Variants in TBC1D19 observed in about 807,000 individuals in gnomAD.
The protein encoded by TBC1D19 is TBC1 domain family member 19.
TBC1D19 carries 60 observed loss-of-function variants against 89.0 expected under a neutral mutation model. That is an observed-to-expected ratio of 0.67 (90% CI 0.55 to 0.84). TBC1D19 has a LOEUF of 0.84. TBC1D19 is among the 40% of genes least tolerant of loss of function. TBC1D19 has a pLI of 0.00. For missense variants in TBC1D19, 500 were observed against 610.8 expected (o/e 0.82, Z 1.91); for synonymous variants, 189 against 199.7 (o/e 0.95, Z 0.45).
intron 5 of TBC1D19, among the ~76,000 whole-genome samples, chr4:26,637,893 C>G (rs989734562): frequency 4.6e-5 from 7 of 152,094 alleles, no homozygotes; most frequent in Non-Finnish European, 1.0e-4. Flanking sequence ...ATTTTAATTA[C>G]CTTTAGTCTC....
chr4:26,659,615 A>C lies in TBC1D19; in HGVS notation c.499A>C (p.Asn167His). 6.3e-7 allele frequency: 1 copy of C among 1,588,458 alleles called. No homozygotes were observed. The highest frequency in any genetic ancestry group is 8.6e-7 in the Non-Finnish European group (1 of 1,162,072). Residue 167 changes from asparagine (N) to histidine (H), a missense_variant, in exon 8 of 21, where the codon AAC becomes CAC. This residue lies in a region of TBC1D19 where 280 missense variants were observed against 291.7 expected (regional missense o/e 0.96). Coordinates refer to ENST00000264866, the MANE Select transcript of TBC1D19 (RefSeq NM_018317.4). ...TTTAAAGGTATTAATTAATCTTCGC[A>C]ACCCAAATTATGAAAACGGTGATTC... ...DFLEVLINLR[N>H]PNYENGDSLS... is the part of the protein sequence containing the mutation.
At chr4:26,590,796 GTTTTTTTTTTTTTTTT>G (rs869124166) in intron 1 of TBC1D19, among the ~76,000 whole-genome samples, 2 of 52,962 alleles carry the variant, frequency 3.8e-5, no homozygotes, top group African/African-American at 8.3e-5. Flanking sequence ...TTGCAGGTCT[GTTTTTTTTTTTTTTTT>G]TTTTTTTTTT....
At chr4:26,704,254 T>C (rs185859033) in intron 13 of TBC1D19, among the ~76,000 whole-genome samples, 2 of 152,322 alleles carry the variant, frequency 1.3e-5, no homozygotes, top group East Asian at 3.9e-4. Flanking sequence ...GGAAGTAAAC[T>C]GAGTAGTTTG....
chr4:26,749,346 G>A (rs1718818379), intron 19 of TBC1D19, among the ~76,000 whole-genome samples: 1 of 151,848 alleles, frequency 6.6e-6, no homozygotes, highest in Non-Finnish European at 1.5e-5. Flanking sequence ...TAAATTGATA[G>A]CATTATAAAA....
intron 7 of TBC1D19, among the ~76,000 whole-genome samples, chr4:26,648,764 TA>T (rs994713473): frequency 6.6e-6 from 1 of 152,190 alleles, no homozygotes; most frequent in African/African-American, 2.4e-5. Context: ...CTTAGCTTAC[TA>T]AAAGTTTCTC....
chr4:26,688,434 T>C (rs772345409), intron 13 of TBC1D19, 27 bp downstream of exon 13: 2 of 1,514,688 alleles, frequency 1.3e-6, no homozygotes, highest in South Asian at 1.2e-5. Flanking sequence ...AAATACATAG[T>C]GTTCTTGTTT....
chr4:26,791,427 C>T, the TBC1D19 span, among the ~76,000 whole-genome samples: 211 of 152,210 alleles, frequency 1.4e-3, no homozygotes, highest in Admixed American at 2.4e-3. Context: ...TGGCTTTTCC[C>T]TGAAGTGGAA....
chr4:26,592,495 A>G (rs1739884739), intron 1 of TBC1D19, among the ~76,000 whole-genome samples: 1 of 151,852 alleles, frequency 6.6e-6, no homozygotes, highest in Non-Finnish European at 1.5e-5. Context: ...CAGGGCAATC[A>G]GGCAGGTTAA....
chr4:26,765,690 C>G, the TBC1D19 span, among the ~76,000 whole-genome samples: 9 of 152,182 alleles, frequency 5.9e-5, no homozygotes, highest in African/African-American at 2.2e-4. Context: ...CCTCAGGAAG[C>G]CTGATATGGT....
intron 1 of TBC1D19, among the ~76,000 whole-genome samples, chr4:26,592,123 C>CA (rs1277029122): frequency 6.6e-6 from 1 of 152,180 alleles, no homozygotes; most frequent in Non-Finnish European, 1.5e-5. Context: ...AGCAGCACAT[C>CA]AAAAAGCTTA....
At chr4:26,852,386 C>T in the TBC1D19 span, among the ~76,000 whole-genome samples, 1 of 152,008 alleles carries the variant, frequency 6.6e-6, no homozygotes, top group African/African-American at 2.4e-5. Context: ...CAACTCCTAT[C>T]TCTACAAAAA....
chr4:26,673,446 T>TATATACAC (rs373807642), intron 10 of TBC1D19, among the ~76,000 whole-genome samples: 17 of 90,880 alleles, frequency 1.9e-4, no homozygotes, highest in African/African-American at 6.4e-4. Flanking sequence ...TATATATATA[T>TATATACAC]ACACACACAC....
In TBC1D19 at chr4:26,590,954, G is replaced by A. The variant is rs915007710; in HGVS notation, c.99+6662G>A. Among the ~76,000 whole-genome samples the A allele has an allele frequency of 2.6e-5, 4 of 151,330 alleles. No homozygotes were observed. The East Asian group carries it at 7.7e-4, about 29-fold the overall frequency. On this transcript the variant is annotated intron_variant, in intron 1 of 20. Coordinates refer to ENST00000264866, the MANE Select transcript of TBC1D19 (RefSeq NM_018317.4). ...GTGTTCACCCATGTACATGGCTACT[G>A]TGGGTTTTGACAAATACATGGTGTC...
At chr4:26,660,024 G>C (rs1400260452) in intron 8 of TBC1D19, among the ~76,000 whole-genome samples, 1 of 152,132 alleles carries the variant, frequency 6.6e-6, no homozygotes, top group Non-Finnish European at 1.5e-5. Flanking sequence ...CAAATTGTGA[G>C]TTTTATAAGA....
At chr4:26,640,925 C>A (rs987358173) in intron 7 of TBC1D19, among the ~76,000 whole-genome samples, 2 of 152,362 alleles carry the variant, frequency 1.3e-5, no homozygotes, top group Admixed American at 1.3e-4. Context: ...CCCACCACAG[C>A]TCAACGAGGC....
chr4:26,663,207 A>C (rs1350310223), intron 8 of TBC1D19: 1 of 152,230 alleles, frequency 6.6e-6, no homozygotes, highest in African/African-American at 2.4e-5. Flanking sequence ...TAAGTGAAAA[A>C]TCAGTTTAAT....
At chr4:26,771,072 G>C in the TBC1D19 span, among the ~76,000 whole-genome samples, 1 of 151,658 alleles carries the variant, frequency 6.6e-6, no homozygotes, top group Non-Finnish European at 1.5e-5. Context: ...ACATACAAAT[G>C]GTCAACAGAC....
At chr4:26,795,778 G>C in the TBC1D19 span, among the ~76,000 whole-genome samples, 1 of 152,156 alleles carries the variant, frequency 6.6e-6, no homozygotes, top group Non-Finnish European at 1.5e-5. Flanking sequence ...ATGTGGAAAA[G>C]TCAATGCCTA....
At chr4:26,802,212 A>T in the TBC1D19 span, among the ~76,000 whole-genome samples, 1 of 152,234 alleles carries the variant, frequency 6.6e-6, no homozygotes, top group Non-Finnish European at 1.5e-5. Flanking sequence ...AGTATCATCT[A>T]CATGGGAATA....
Sources: allele counts gnomAD v4.1 joint callset (sites outside exome capture counted in the v4.1 genomes callset), GRCh38; gene constraint gnomAD v4.1.1; regional missense constraint gnomAD v4.1.1; transcripts MANE v1.5; gene names NCBI Gene and HGNC (gene_info 2026-07-23, HGNC 2026-07-21).